Variants in ARHGAP24 observed in about 807,000 individuals in gnomAD.
The protein encoded by ARHGAP24 is rho GTPase-activating protein 24.
A neutral mutation model predicts 76.4 loss-of-function variants in ARHGAP24; 50 were observed. The ratio of observed to expected loss-of-function variants is 0.65; its 90% confidence interval spans 0.52 to 0.83. The LOEUF is 0.83. Among genes scored for constraint, ARHGAP24 ranks in the 40% least tolerant of loss-of-function variants. The pLI, the probability that ARHGAP24 is intolerant of heterozygous loss-of-function variation, is 0.00. For missense variants in ARHGAP24, 930 were observed against 914.2 expected (o/e 1.02, Z -0.22); for synonymous variants, 345 against 323.3 (o/e 1.07, Z -0.72).
intron 2 of ARHGAP24, among the ~76,000 whole-genome samples, chr4:85,589,321 A>G (rs1362719743): frequency 6.6e-6 from 1 of 152,188 alleles, no homozygotes; most frequent in Non-Finnish European, 1.5e-5. Context: ...TGTTTCTTTT[A>G]GCTTGAAATT....
intron 3 of ARHGAP24, among the ~76,000 whole-genome samples, chr4:85,764,365 C>T (rs908310963): frequency 6.6e-6 from 1 of 152,122 alleles, no homozygotes; most frequent in African/African-American, 2.4e-5. Flanking sequence ...GGGGATTCTA[C>T]ACAGGAATAC....
chr4:85,624,265 T>C (rs1720838202), intron 2 of ARHGAP24, among the ~76,000 whole-genome samples: 1 of 152,182 alleles, frequency 6.6e-6, no homozygotes, highest in Admixed American at 6.5e-5. Flanking sequence ...GTCCCATCAA[T>C]ACCTAATTTT....
intron 2 of ARHGAP24, among the ~76,000 whole-genome samples, chr4:85,657,262 G>C (rs1167958825): frequency 1.3e-5 from 2 of 152,104 alleles, no homozygotes; most frequent in Non-Finnish European, 2.9e-5. Flanking sequence ...TATTAGAATT[G>C]TGTTTTAATA....
chr4:85,614,813 T>C (rs1187189770), intron 2 of ARHGAP24, among the ~76,000 whole-genome samples: 1 of 152,108 alleles, frequency 6.6e-6, no homozygotes, highest in Non-Finnish European at 1.5e-5. Flanking sequence ...AGGATAGTAA[T>C]CATCCTATAT....
chr4:85,549,841 A>G (rs767024702), intron 1 of ARHGAP24, among the ~76,000 whole-genome samples: 1 of 152,172 alleles, frequency 6.6e-6, no homozygotes, highest in East Asian at 1.9e-4. Flanking sequence ...GCTCCCACAT[A>G]TAAGTGAGAA....
At chr4:85,963,085 A>G (rs997059460) in intron 5 of ARHGAP24, among the ~76,000 whole-genome samples, 2 of 152,058 alleles carry the variant, frequency 1.3e-5, no homozygotes, top group African/African-American at 4.8e-5. Flanking sequence ...TTTGCAAACT[A>G]TCATATCTTT....
At chr4:85,953,402 T>C (rs1395743418) in intron 5 of ARHGAP24, among the ~76,000 whole-genome samples, 1 of 152,144 alleles carries the variant, frequency 6.6e-6, no homozygotes, top group Non-Finnish European at 1.5e-5. Flanking sequence ...CCAGACATAT[T>C]TTAATTTAAT....
chr4:85,587,900 A>C (rs958644363), intron 2 of ARHGAP24, among the ~76,000 whole-genome samples: 8 of 152,208 alleles, frequency 5.3e-5, no homozygotes, highest in African/African-American at 1.9e-4. Context: ...AAAGTAACCT[A>C]CTATGAGGAA....
chr4:85,540,064 TAA>T (rs1725618471), intron 1 of ARHGAP24, among the ~76,000 whole-genome samples: 1 of 151,596 alleles, frequency 6.6e-6, no homozygotes, highest in African/African-American at 2.4e-5. Flanking sequence ...AAATACATAA[TAA>T]AATAAAATAA....
At chr4:85,481,691 A>C (rs1434797169) in intron 1 of ARHGAP24, among the ~76,000 whole-genome samples, 1 of 152,218 alleles carries the variant, frequency 6.6e-6, no homozygotes, top group African/African-American at 2.4e-5. Flanking sequence ...ATTCCATGAC[A>C]TGGGGACATA....
intron 1 of ARHGAP24, among the ~76,000 whole-genome samples, chr4:85,490,476 A>G (rs1161835999): frequency 6.6e-6 from 1 of 152,154 alleles, no homozygotes; most frequent in African/African-American, 2.4e-5. Flanking sequence ...TTGCTTTGCA[A>G]TTTCCTGGTA....
chr4:85,846,361 AAC>A (rs1730882114), intron 3 of ARHGAP24, among the ~76,000 whole-genome samples: 1 of 152,176 alleles, frequency 6.6e-6, no homozygotes, highest in African/African-American at 2.4e-5. Context: ...GGGACTTGGA[AAC>A]AGTGGTCTAC....
At chr4:85,981,025 A>G (rs777905147) in intron 8 of ARHGAP24, among the ~76,000 whole-genome samples, 19 of 152,340 alleles carry the variant, frequency 1.2e-4, no homozygotes, top group Admixed American at 6.5e-4. Context: ...TGCATTAAAT[A>G]TACGACCTTG....
intron 3 of ARHGAP24, among the ~76,000 whole-genome samples, chr4:85,775,321 A>G (rs1392688894): frequency 1.3e-5 from 2 of 152,134 alleles, no homozygotes; most frequent in Non-Finnish European, 2.9e-5. Flanking sequence ...GAAATTCGGT[A>G]GGTGTATTAG....
Position 85,958,172 on chromosome 4 carries a change from C to T in ARHGAP24, c.600-13864C>T, listed in dbSNP as rs561933555. 1.2e-4 allele frequency among the ~76,000 whole-genome samples: 18 copies of T among 152,168 alleles called. No homozygotes were observed. The South Asian group carries it at 2.1e-3, about 18-fold the overall frequency. Reference sequence around the variant, plus strand: ...CCACTTACTACCCATGTTAATGAACCGAAACTCGTTACCTAACTTCTCAAA... The same window carrying T: ...CCACTTACTACCCATGTTAATGAACTGAAACTCGTTACCTAACTTCTCAAA... On this transcript the variant is annotated intron_variant, in intron 5 of 9. Coordinates refer to ENST00000395184, the MANE Select transcript of ARHGAP24 (RefSeq NM_001025616.3).
At chr4:85,810,349 A>T (rs1297190705) in intron 3 of ARHGAP24, among the ~76,000 whole-genome samples, 8 of 152,214 alleles carry the variant, frequency 5.3e-5, no homozygotes, top group Admixed American at 5.2e-4. Flanking sequence ...TCCTAATAGG[A>T]TGCTATCCAT....
At chr4:85,797,181 T>G (rs1446864398) in intron 3 of ARHGAP24, among the ~76,000 whole-genome samples, 2 of 152,016 alleles carry the variant, frequency 1.3e-5, no homozygotes, top group Non-Finnish European at 2.9e-5. Flanking sequence ...TTGTTTTTGT[T>G]TTTGTTTTTT....
At chr4:85,967,914 G>A (rs1260124803) in intron 5 of ARHGAP24, among the ~76,000 whole-genome samples, 1 of 152,058 alleles carries the variant, frequency 6.6e-6, no homozygotes, top group African/African-American at 2.4e-5. Context: ...ACATGTGCAG[G>A]TTATATTTAC....
chr4:85,648,975 G>A (rs766756486), intron 2 of ARHGAP24, among the ~76,000 whole-genome samples: 2 of 151,480 alleles, frequency 1.3e-5, no homozygotes, highest in Non-Finnish European at 2.9e-5. Context: ...TCACATATGT[G>A]CATTCAGAAC....
Sources: allele counts gnomAD v4.1 joint callset (sites outside exome capture counted in the v4.1 genomes callset), GRCh38; gene constraint gnomAD v4.1.1; transcripts MANE v1.5; gene names NCBI Gene and HGNC (gene_info 2026-07-23, HGNC 2026-07-21).